ARTN: variants seen among roughly 807,000 people sequenced by gnomAD.
The protein encoded by ARTN is neublastin.
In ARTN, 9 loss-of-function variants were observed where a neutral mutation model predicts 15.4. The ratio of observed to expected loss-of-function variants is 0.58; its 90% CI spans 0.35 to 1.02. ARTN has a LOEUF of 1.02. ARTN is among the 50% of genes least tolerant of loss of function. The pLI is 0.02. For synonymous variants in ARTN, 163 were observed against 155.8 expected (o/e 1.05, Z -0.35); for missense variants, 284 against 327.9 (o/e 0.87, Z 1.03).
Position 43,936,113 on chromosome 1 carries a change from G to A in ARTN, c.81G>A (p.Leu27=), listed in dbSNP as rs757904423. Residue 27 remains leucine (L), a synonymous_variant, in exon 4 of 5, where the codon CTG becomes CTA. Coordinates refer to ENST00000372359, the MANE Select transcript of ARTN (RefSeq NM_057091.3). The surrounding 1 kb of genome is among the most constrained non-coding windows in gnomAD (Gnocchi z 6.6). ...PRQQPALWPT[L]AALALLSSVA... is the part of the protein sequence containing the mutation. The stretch of plus-strand genomic sequence containing the variant: ...CGCAGCCTGCCCTGTGGCCCACCCT[G>A]GCCGCTCTGGCTCTGCTGAGCAGCG... 45 of 1,608,870 alleles carry A rather than the reference G, an allele frequency of 2.8e-5. No individual in the cohort carries two copies. In the African/African-American group the frequency reaches 4.8e-4, roughly 17 times the overall value.
In ARTN at chr1:43,935,733, G is replaced by A. The variant is rs1312575768; in HGVS notation, c.60+17G>A. ...AGGCAGCAGGTGAGTGGTTCTCCCA[G>A]TGACTCCTACCTGGTACTGAGGAAA... On this transcript the variant is annotated intron_variant, in intron 3 of 4. Transcript: ENST00000372359. 3 of 1,606,554 alleles carry A rather than the reference G, an allele frequency of 1.9e-6. No individual in the cohort carries two copies. The highest frequency in any genetic ancestry group is 2.2e-5 in the East Asian group (1 of 44,620).
At position 43,936,941 on chromosome 1, in the gene ARTN, CT is replaced by C; in HGVS notation, c.*177del. ...CCCGAACAGGTGAAGGGACAACTGA[CT>C]AGCAGCCCCAGAGCCCTCACCCTGC... On this transcript the variant is annotated 3_prime_UTR_variant, in exon 5 of 5. Coordinates refer to ENST00000372359, the MANE Select transcript of ARTN (RefSeq NM_057091.3). The surrounding 1 kb of genome is among the most constrained non-coding windows in gnomAD (Gnocchi z 6.6). 1 of 907,942 alleles carries C rather than the reference CT, an allele frequency of 1.1e-6. No individual in the cohort carries two copies. The highest frequency in any genetic ancestry group is 4.2e-5 in the South Asian group (1 of 23,664). 56.2% of individuals were successfully genotyped at this position (907,942 alleles called of 1,614,324 possible).
At chr1:43,934,074 C>CAA (rs2085066824) in intron 1 of ARTN, 38 bp from the exon 2 acceptor site, 1 of 152,712 alleles carries the variant, frequency 6.5e-6, no homozygotes, top group Non-Finnish European at 1.5e-5. Flanking sequence ...CTGGCCTTGC[C>CAA]GGCCCACTGT....
Position 43,935,411 on chromosome 1 carries a change from A to C in ARTN, c.-67-179A>C, listed in dbSNP as rs2085079590. On this transcript the variant is annotated intron_variant, in intron 2 of 4. Coordinates refer to ENST00000372359, the MANE Select transcript of ARTN (RefSeq NM_057091.3). ...TCATCTGGAAAAAGGGGATTAAACC[A>C]TTTACCTCATGGAGTTGTGAAAGAA... 7.5e-6 allele frequency: 4 copies of C among 533,912 alleles called. No homozygotes were observed. In the East Asian group the frequency reaches 1.3e-4, roughly 18 times the overall value. 33.1% of individuals were successfully genotyped at this position (533,912 alleles called of 1,614,324 possible). A position where few individuals can be genotyped will look rare whatever the true frequency, so the allele number is the denominator to read the frequency against.
At chr1:43,935,840 A>C in intron 3 of ARTN, 124 bp downstream of exon 3, 8 of 1,007,750 alleles carry the variant, frequency 7.9e-6, no homozygotes, top group Non-Finnish European at 1.2e-5. Flanking sequence ...GGGAGGGACC[A>C]GGTGAATGGG....
Position 43,936,039 on chromosome 1 carries a change from G to A in ARTN, c.61-54G>A. ...CCTCCTTGAGGTCCTTCCTCCCCAA[G>A]CCCACCTGGGTGCCCTCTTTCTCCC... On this transcript the variant is annotated intron_variant, in intron 3 of 4. Coordinates refer to ENST00000372359, the MANE Select transcript of ARTN (RefSeq NM_057091.3). This position sits in a 1 kb window ranked among gnomAD's most constrained non-coding sequence, Gnocchi z 6.6. 6.2e-7 allele frequency: 1 copy of A among 1,613,352 alleles called. No individual in the cohort carries two copies.
At position 43,933,881 on chromosome 1, in the gene ARTN, C is replaced by T. The variant is rs1272061311; in HGVS notation, c.-221C>T. On this transcript the variant is annotated 5_prime_UTR_variant, in exon 1 of 5. Coordinates refer to ENST00000372359, the MANE Select transcript of ARTN (RefSeq NM_057091.3). Reference sequence around the variant, plus strand: ...GCCACCCGGGCCTGGAGCCCCACACCCGAGGTAAGCCAGCCCACTTGCCTG... The same window carrying T: ...GCCACCCGGGCCTGGAGCCCCACACTCGAGGTAAGCCAGCCCACTTGCCTG... 1 of 152,370 alleles carries T rather than the reference C, an allele frequency of 6.6e-6. No individual in the cohort carries two copies. Among genetic ancestry groups the T allele is most frequent in the Non-Finnish European group, 1.5e-5 (1 of 68,124 alleles). The allele number at this position is 152,370 out of a possible 1,614,324, so 9.4% of individuals were successfully genotyped here.
At chr1:43,935,180 C>T (rs1445269619) in intron 2 of ARTN, among the ~76,000 whole-genome samples, 1 of 152,178 alleles carries the variant, frequency 6.6e-6, no homozygotes, top group African/African-American at 2.4e-5. Flanking sequence ...TCTTCTCCAG[C>T]CCTCAGCTTC....
chr1:43,933,831 G>A lies in ARTN; in HGVS notation c.-271G>A, dbSNP rs919909913. On this transcript the variant is annotated 5_prime_UTR_variant, in exon 1 of 5. Transcript: ENST00000372359. Reference sequence around the variant, plus strand: ...AGGCCCGGGGGCTCCGCCAGCAGCAGGTCCCTCGGGCCCCAGCCCTCGCTG... The same window carrying A: ...AGGCCCGGGGGCTCCGCCAGCAGCAAGTCCCTCGGGCCCCAGCCCTCGCTG... The A allele has an allele frequency of 4.6e-5, 7 of 152,328 alleles. No individual in the cohort carries two copies. Among genetic ancestry groups the A allele is most frequent in the Non-Finnish European group, 7.3e-5 (5 of 68,094 alleles). The allele number at this position is 152,328 out of a possible 1,614,324, so 9.4% of individuals were successfully genotyped here. A position where few individuals can be genotyped will look rare whatever the true frequency, so the allele number is the denominator to read the frequency against.
In ARTN at chr1:43,937,022, C is replaced by T; in HGVS notation, c.*257C>T. ...TCAGCTATGGAGCCCTTCGGACCCA[C>T]TTCTCACAGACTCTGGCACTGGCCA... On this transcript the variant is annotated 3_prime_UTR_variant, in exon 5 of 5. Transcript: ENST00000372359. 2.6e-6 allele frequency: 1 copy of T among 387,738 alleles called. No individual in the cohort carries two copies. The allele number at this position is 387,738 out of a possible 1,614,324, so 24.0% of individuals were successfully genotyped here.
Position 43,936,370 on chromosome 1 carries a change from C to T in ARTN, c.268C>T (p.Pro90Ser), listed in dbSNP as rs1252041843. Residue 90 changes from proline to serine, a missense_variant, in exon 5 of 5, where the codon CCC becomes TCC. Physicochemically the swap from Pro to Ser is moderately conservative, Grantham distance 74 (BLOSUM62 -1). Coordinates refer to ENST00000372359, the MANE Select transcript of ARTN (RefSeq NM_057091.3). The surrounding 1 kb of genome is among the most constrained non-coding windows in gnomAD (Gnocchi z 6.6). ...GCCGCCGCAGCCTTCTCGGCCCGCG[C>T]CCCCGCCGCCTGCACCCCCATCTGC... ...RPPPQPSRPA[P>S]PPPAPPSALP... 13 of 1,290,756 alleles carry T rather than the reference C, an allele frequency of 1.0e-5. No homozygotes were observed. The highest frequency in any genetic ancestry group is 1.3e-5 in the Non-Finnish European group (13 of 1,024,500). The allele number at this position is 1,290,756 out of a possible 1,614,324, so 80.0% of individuals were successfully genotyped here.
Position 43,937,230 on chromosome 1 carries a change from T to G in ARTN, c.*465T>G, listed in dbSNP as rs1357992658. The G allele has an allele frequency of 6.5e-6, 1 of 153,456 alleles. No individual in the cohort carries two copies. Among genetic ancestry groups the G allele is most frequent in the Non-Finnish European group, 1.4e-5 (1 of 68,970 alleles). The allele number at this position is 153,456 out of a possible 1,614,324, so 9.5% of individuals were successfully genotyped here. A position where few individuals can be genotyped will look rare whatever the true frequency, so the allele number is the denominator to read the frequency against. On this transcript the variant is annotated 3_prime_UTR_variant, in exon 5 of 5. Transcript: ENST00000372359. ...CTGGCCCCTATTTATTATTTCTAAG[T>G]TATTTATTTACTTCTGTGGCTTGTC...
Position 43,936,692 on chromosome 1 carries a change from C to G in ARTN, c.590C>G (p.Ser197Cys). The G allele has an allele frequency of 6.3e-7, 1 of 1,593,948 alleles. No homozygotes were observed. ...CGACCCACGCGCTACGAAGCGGTCT[C>G]CTTCATGGACGTCAACAGCACCTGG... Reference protein sequence around the residue: ...CCRPTRYEAVSFMDVNSTWRT... With the variant: ...CCRPTRYEAVCFMDVNSTWRT... Residue 197 changes from serine (S) to cysteine (C), a missense_variant, in exon 5 of 5, where the codon TCC (serine) becomes TGC (cysteine). Coordinates refer to ENST00000372359, the MANE Select transcript of ARTN (RefSeq NM_057091.3). The surrounding 1 kb of genome is among the most constrained non-coding windows in gnomAD (Gnocchi z 6.6).
rs1212176293 is a variant in ARTN at position 43,936,361 on chromosome 1, C to A, written c.259C>A (p.Arg87=). 2 of 1,299,976 alleles carry A rather than the reference C, an allele frequency of 1.5e-6. No homozygotes were observed. Among genetic ancestry groups the A allele is most frequent in the Non-Finnish European group, 1.9e-6 (2 of 1,029,740 alleles). The allele number at this position is 1,299,976 out of a possible 1,614,324, so 80.5% of individuals were successfully genotyped here. ...CCGGCGGCCGCCGCCGCAGCCTTCT[C>A]GGCCCGCGCCCCCGCCGCCTGCACC... The part of the protein sequence containing the change: ...RARRPPPQPS[R]PAPPPPAPPS... Residue 87 remains arginine (R), a synonymous_variant, in exon 5 of 5, where the codon CGG becomes AGG. Coordinates refer to ENST00000372359, the MANE Select transcript of ARTN (RefSeq NM_057091.3). This position sits in a 1 kb window ranked among gnomAD's most constrained non-coding sequence, Gnocchi z 6.6.
intron 2 of ARTN, 26 bp from the exon 3 acceptor site, chr1:43,935,564 A>C: frequency 7.3e-7 from 1 of 1,365,184 alleles, no homozygotes; most frequent in Non-Finnish European, 1.0e-6. Context: ...CCCCCACAAA[A>C]GATAACTCAT....
intron 1 of ARTN, 26 bp downstream of exon 1, chr1:43,933,911 TG>T (rs1374110868): frequency 2.0e-5 from 3 of 152,248 alleles, no homozygotes; most frequent in Non-Finnish European, 2.9e-5. Flanking sequence ...TGCCTGTTTC[TG>T]GTCCCAGCCC....
rs2085095622 is a variant in ARTN at position 43,936,335 on chromosome 1, C to T, written c.233C>T (p.Ala78Val). ...ACGGCCCGCTGGTGCAGTGGAAGAG[C>T]CCGGCGGCCGCCGCCGCAGCCTTCT... is the stretch of plus-strand genomic sequence containing the variant. ...GRTARWCSGR[A>V]RRPPPQPSRP... Residue 78 changes from alanine (A) to valine (V), a missense_variant, in exon 5 of 5, where the codon GCC becomes GTC. Ala to Val is a moderately conservative substitution (Grantham distance 64). Transcript: ENST00000372359. The surrounding 1 kb of genome is among the most constrained non-coding windows in gnomAD (Gnocchi z 6.6). 2 of 1,331,542 alleles carry T rather than the reference C, an allele frequency of 1.5e-6. No individual in the cohort carries two copies. Among genetic ancestry groups the T allele is most frequent in the Non-Finnish European group, 1.9e-6 (2 of 1,047,720 alleles). The allele number at this position is 1,331,542 out of a possible 1,614,324, so 82.5% of individuals were successfully genotyped here.
chr1:43,936,947 GC>G lies in ARTN; in HGVS notation c.*186del. 2 of 840,888 alleles carry G rather than the reference GC, an allele frequency of 2.4e-6. No homozygotes were observed. Among genetic ancestry groups the G allele is most frequent in the Admixed American group, 4.2e-5 (1 of 24,048 alleles). 52.1% of individuals were successfully genotyped at this position (840,888 alleles called of 1,614,324 possible). ...CAGGTGAAGGGACAACTGACTAGCA[GC>G]CCCAGAGCCCTCACCCTGCGGATCC... On this transcript the variant is annotated 3_prime_UTR_variant, in exon 5 of 5. Transcript: ENST00000372359. The surrounding 1 kb of genome is among the most constrained non-coding windows in gnomAD (Gnocchi z 6.6).
Position 43,934,175 on chromosome 1 carries a change from TG to T in ARTN, c.-150del, listed in dbSNP as rs2085068032. On this transcript the variant is annotated 5_prime_UTR_variant, in exon 2 of 5. Transcript: ENST00000372359. ...AGAGGCACTGCCAGGTGTACAGTCC[TG>T]GGCATGCGCTGTTTGAGCTTCGGGG... is the stretch of plus-strand genomic sequence containing the variant. 2 of 152,852 alleles carry T rather than the reference TG, an allele frequency of 1.3e-5. No individual in the cohort carries two copies. The highest frequency in any genetic ancestry group is 4.8e-5 in the African/African-American group (2 of 41,468). 9.5% of individuals were successfully genotyped at this position (152,852 alleles called of 1,614,324 possible).
Sources: allele counts gnomAD v4.1 joint callset (sites outside exome capture counted in the v4.1 genomes callset), GRCh38; gene constraint gnomAD v4.1.1; non-coding constraint Gnocchi (gnomAD v3.1); transcripts MANE v1.5; gene names NCBI Gene and HGNC (gene_info 2026-07-23, HGNC 2026-07-21).